The following SYT3 variants were observed in gnomAD, a reference collection of about 807,000 sequenced individuals.
The protein encoded by SYT3 is synaptotagmin 3.
SYT3 carries 25 observed loss-of-function variants against 50.6 expected under a neutral mutation model. The ratio of observed to expected loss-of-function variants is 0.49; its 90% confidence interval spans 0.36 to 0.69. SYT3 has a LOEUF of 0.69. SYT3 is among the 30% of genes least tolerant of loss of function. SYT3 has a pLI of 0.00. For synonymous variants in SYT3, 323 were observed against 353.9 expected, an observed-to-expected ratio of 0.91 and a Z score of 0.98; for missense variants, 589 against 793.6, an observed-to-expected ratio of 0.74 and a Z score of 3.10.
At chr19:50,642,883 T>C (rs867578869), upstream of SYT3, among the ~76,000 whole-genome samples, 2 of 152,128 alleles carry the variant, frequency 1.3e-5, no homozygotes, top group Non-Finnish European at 1.5e-5. Flanking sequence ...CTGGGTTATT[T>C]TGAGGGTTAA....
At chr19:50,653,990 G>A in the SYT3 span, among the ~76,000 whole-genome samples, 2 of 152,078 alleles carry the variant, frequency 1.3e-5, no homozygotes, top group Non-Finnish European at 2.9e-5. Flanking sequence ...GGTCATTTTT[G>A]TGGTTTGGAC....
chr19:50,634,163 G>A (rs1984417377), intron 3 of SYT3, among the ~76,000 whole-genome samples: 1 of 152,164 alleles, frequency 6.6e-6, no homozygotes, highest in Admixed American at 6.5e-5. Context: ...CCAGGAGTGG[G>A]GTTTTTCAGA....
chr19:50,628,370 G>C (rs1215275222), intron 6 of SYT3, among the ~76,000 whole-genome samples: 1 of 152,122 alleles, frequency 6.6e-6, no homozygotes, highest in Non-Finnish European at 1.5e-5. Flanking sequence ...GGCAGGGGTC[G>C]CAAGGAATAA....
At position 50,625,385 on chromosome 19, in the gene SYT3, C is replaced by T. The variant is rs1473231381; in HGVS notation, c.1574+8G>A. On this transcript the variant is annotated splice_region_variant and intron_variant, in intron 8 of 10. Coordinates refer to ENST00000600079, the MANE Select transcript of SYT3 (RefSeq NM_001160329.2). The surrounding 1 kb of genome is among the most constrained non-coding windows in gnomAD (Gnocchi z 7.5). ...CTGCCTGACCCCCGCCCGGGCCGCG[C>T]CCCTCACCAGTCGTAGTCTACCACG... The T allele has an allele frequency of 4.5e-6, 7 of 1,546,494 alleles. No homozygotes were observed. In the East Asian group the frequency reaches 1.5e-4, roughly 33 times the overall value.
At chr19:50,644,651 G>A (rs564793175), upstream of SYT3, among the ~76,000 whole-genome samples, 8 of 151,878 alleles carry the variant, frequency 5.3e-5, no homozygotes, top group Admixed American at 2.6e-4. Context: ...TTGTGGATGG[G>A]TGGATGGATG....
In SYT3 at chr19:50,632,597, C is replaced by A; in HGVS notation, c.363G>T (p.Leu121=). 6.3e-7 allele frequency: 1 copy of A among 1,578,854 alleles called. No individual in the cohort carries two copies. The highest frequency in any genetic ancestry group is 1.7e-5 in the Admixed American group (1 of 58,456). ...GGCCGCCCAGCAGAGGATGGCCACC[C>A]AGGCCAGCCGCCAGGTGGTGCCCGC... is the stretch of plus-strand genomic sequence containing the variant. ...GGGGHHLAAG[L]GGHPLLGGPH... is the part of the protein sequence containing the mutation. The change falls in exon 4 of 11, where the codon CTG becomes CTT. Residue 121 remains leucine, a synonymous_variant. Coordinates refer to ENST00000600079, the MANE Select transcript of SYT3 (RefSeq NM_001160329.2). This position sits in a 1 kb window ranked among gnomAD's most constrained non-coding sequence, Gnocchi z 4.7.
chr19:50,647,032 G>A, the SYT3 span, among the ~76,000 whole-genome samples: 8 of 152,010 alleles, frequency 5.3e-5, no homozygotes, highest in African/African-American at 1.9e-4. Flanking sequence ...GGGTTTCACC[G>A]TGTTAGCCAG....
intron 9 of SYT3, among the ~76,000 whole-genome samples, chr19:50,623,249 G>A (rs1411980351): frequency 1.3e-5 from 2 of 152,008 alleles, no homozygotes; most frequent in African/African-American, 2.4e-5. Flanking sequence ...ATTAATGAAC[G>A]GATGAATGAG....
In SYT3 at chr19:50,625,642, C is replaced by G. The variant is rs562783355; in HGVS notation, c.1403-78G>C. 233 of 1,481,718 alleles carry G rather than the reference C, an allele frequency of 1.6e-4. No individual in the cohort carries two copies. The African/African-American group carries it at 2.9e-3, about 19-fold the overall frequency. 91.8% of individuals were successfully genotyped at this position (1,481,718 alleles called of 1,614,324 possible). ...GTCCAGGACCCCAGGCCCCGAGCCC[C>G]TCCTCCCTCAGACCCAGAGGTCCGG... On this transcript the variant is annotated intron_variant, in intron 7 of 10. Transcript: ENST00000600079. The surrounding 1 kb of genome is among the most constrained non-coding windows in gnomAD (Gnocchi z 7.5).
upstream of SYT3, among the ~76,000 whole-genome samples, chr19:50,641,449 G>A (rs371197167): frequency 1.4e-3 from 216 of 150,746 alleles, 1 homozygote; most frequent in African/African-American, 4.8e-3. Flanking sequence ...GATTACAGAC[G>A]TGAGCCACCG....
At chr19:50,655,510 G>A in the SYT3 span, among the ~76,000 whole-genome samples, 3 of 152,066 alleles carry the variant, frequency 2.0e-5, no homozygotes, top group Non-Finnish European at 4.4e-5. Flanking sequence ...TTAGCTGGGC[G>A]TGGTAGCGGG....
the SYT3 span, among the ~76,000 whole-genome samples, chr19:50,651,028 C>G: frequency 6.6e-6 from 1 of 152,142 alleles, no homozygotes; most frequent in African/African-American, 2.4e-5. Flanking sequence ...CGTTGTGGAA[C>G]CAATCACATT....
chr19:50,656,965 G>GAAGA, the SYT3 span, among the ~76,000 whole-genome samples: 2 of 136,814 alleles, frequency 1.5e-5, no homozygotes, highest in South Asian at 2.4e-4. Flanking sequence ...AAAAAGGAAG[G>GAAGA]AAGAAAGAAA....
At position 50,625,307 on chromosome 19, in the gene SYT3, G is replaced by A; in HGVS notation, c.1575-13C>T. 6.5e-7 allele frequency: 1 copy of A among 1,533,280 alleles called. No homozygotes were observed. The highest frequency in any genetic ancestry group is 8.8e-7 in the Non-Finnish European group (1 of 1,141,604). 95.0% of individuals were successfully genotyped at this position (1,533,280 alleles called of 1,614,324 possible). A position where few individuals can be genotyped will look rare whatever the true frequency, so the allele number is the denominator to read the frequency against. On this transcript the variant is annotated splice_polypyrimidine_tract_variant and intron_variant, in intron 8 of 10. Coordinates refer to ENST00000600079, the MANE Select transcript of SYT3 (RefSeq NM_001160329.2). This position sits in a 1 kb window ranked among gnomAD's most constrained non-coding sequence, Gnocchi z 7.5. ...GTTGTGCCCGATGCTGGGGGTTGGG[G>A]TCAGTGAGGACCGTGGAGGGTGGTG...
intron 6 of SYT3, among the ~76,000 whole-genome samples, chr19:50,628,028 G>A (rs186562583): frequency 2.6e-5 from 4 of 151,906 alleles, no homozygotes; most frequent in Admixed American, 1.3e-4. Flanking sequence ...TACCCAAAGA[G>A]CTACCCAAAA....
At chr19:50,646,723 T>C in the SYT3 span, among the ~76,000 whole-genome samples, 1 of 151,852 alleles carries the variant, frequency 6.6e-6, no homozygotes, top group Non-Finnish European at 1.5e-5. Flanking sequence ...TTTGGGGACA[T>C]GGGGAAAGGT....
intron 6 of SYT3, among the ~76,000 whole-genome samples, chr19:50,626,961 G>A: frequency 6.6e-6 from 1 of 151,990 alleles, no homozygotes; most frequent in East Asian, 1.9e-4. Flanking sequence ...AAGAGAGAGA[G>A]AGAGAGAGAG....
chr19:50,629,406 TC>T lies in SYT3; in HGVS notation c.1168del (p.Asp390ThrfsTer61). The T allele has an allele frequency of 1.9e-6, 3 of 1,613,818 alleles. No homozygotes were observed. Among genetic ancestry groups the T allele is most frequent in the Non-Finnish European group, 2.5e-6 (3 of 1,179,900 alleles). ...RKLHFSVYDF[D>X]RFSRHDLIGQ... ...GATGAGGTCGTGCCGCGAGAAGCGG[TC>T]AAAGTCATAGACGCTGAAGTGCAGT... On this transcript the variant is annotated frameshift_variant, in exon 6 of 11. Coordinates refer to ENST00000600079, the MANE Select transcript of SYT3 (RefSeq NM_001160329.2). LOFTEE classifies it high-confidence loss of function.
chr19:50,635,723 G>A (rs760025433), intron 3 of SYT3, among the ~76,000 whole-genome samples: 3 of 152,140 alleles, frequency 2.0e-5, no homozygotes, highest in East Asian at 3.8e-4. Flanking sequence ...ATATGAGGCC[G>A]ACCCCCAATA....
Sources: gnomAD v4.1 joint callset for allele counts (sites outside exome capture counted in the v4.1 genomes callset) on GRCh38, gnomAD v4.1.1 for gene constraint, Gnocchi (gnomAD v3.1) non-coding constraint, MANE v1.5 for transcripts, NCBI Gene and HGNC (gene_info 2026-07-23, HGNC 2026-07-21) for gene names.